Variants in XRCC4 observed in about 807,000 individuals in gnomAD.
XRCC4 encodes the protein X-ray repair cross complementing 4.
Under a neutral mutation model 39.1 loss-of-function variants are expected in XRCC4, and 28 were observed. That is an observed-to-expected ratio of 0.72 (90% CI 0.53 to 0.98). The LOEUF (loss-of-function observed/expected upper bound fraction) is 0.98, where lower values mean the gene tolerates loss of function less well. Among genes scored for constraint, XRCC4 ranks in the 50% least tolerant of loss-of-function variants. The pLI, the probability that XRCC4 is intolerant of heterozygous loss-of-function variation, is 0.00. For synonymous variants in XRCC4, 123 were observed against 126.4 expected (o/e 0.97, Z 0.18); for missense variants, 350 against 376.4 (o/e 0.93, Z 0.58).
intron 3 of XRCC4, among the ~76,000 whole-genome samples, chr5:83,161,717 G>A (rs188899287): frequency 3.2e-4 from 49 of 152,228 alleles, no homozygotes; most frequent in African/African-American, 8.9e-4. Context: ...ATATTTGTTC[G>A]TCTTGTTTAT....
At chr5:83,242,589 C>T (rs1262374291) in intron 6 of XRCC4, among the ~76,000 whole-genome samples, 2 of 152,000 alleles carry the variant, frequency 1.3e-5, no homozygotes, top group East Asian at 3.9e-4. Flanking sequence ...GTTTGGTCTA[C>T]AGGTGTGCGC....
chr5:83,283,354 TA>T (rs1303655785), intron 7 of XRCC4, among the ~76,000 whole-genome samples: 1 of 152,214 alleles, frequency 6.6e-6, no homozygotes, highest in Non-Finnish European at 1.5e-5. Flanking sequence ...ACCTAATTTA[TA>T]AAATGTATAT....
chr5:83,314,663 C>G (rs115156184), intron 7 of XRCC4, among the ~76,000 whole-genome samples: 151 of 152,228 alleles, frequency 9.9e-4, no homozygotes, highest in African/African-American at 3.5e-3. Context: ...ATACCTCAAA[C>G]TTTTTATTAT....
chr5:83,362,353 C>T, the XRCC4 span, among the ~76,000 whole-genome samples: 1 of 139,760 alleles, frequency 7.2e-6, no homozygotes, highest in African/African-American at 2.7e-5. Context: ...CATGTATTCA[C>T]ATATTGATTT....
intron 1 of XRCC4, among the ~76,000 whole-genome samples, chr5:83,087,703 A>G (rs535936437): frequency 1.3e-5 from 2 of 152,116 alleles, no homozygotes; most frequent in South Asian, 4.1e-4. Flanking sequence ...TAGCGTGTTC[A>G]TTGTTTCAGC....
chr5:83,080,572 G>A (rs1744892431), intron 1 of XRCC4, among the ~76,000 whole-genome samples: 1 of 151,376 alleles, frequency 6.6e-6, no homozygotes, highest in Non-Finnish European at 1.5e-5. Context: ...ATTTTAAATA[G>A]CATGCCTTTC....
chr5:83,351,548 A>T (rs151037055), intron 7 of XRCC4, among the ~76,000 whole-genome samples: 293 of 152,336 alleles, frequency 1.9e-3, no homozygotes, highest in Non-Finnish European at 3.4e-3. Flanking sequence ...TTATACTTTT[A>T]TCCCATACTA....
At chr5:83,261,397 T>C (rs1017320849) in intron 7 of XRCC4, among the ~76,000 whole-genome samples, 1 of 152,048 alleles carries the variant, frequency 6.6e-6, no homozygotes, top group African/African-American at 2.4e-5. Context: ...AACGCAGATA[T>C]GGTTAGTTTG....
intron 6 of XRCC4, among the ~76,000 whole-genome samples, chr5:83,219,643 A>G (rs988943161): frequency 2.0e-5 from 3 of 152,192 alleles, no homozygotes; most frequent in Admixed American, 6.5e-5. Flanking sequence ...CACTAGCTAC[A>G]TGAGGCCATT....
intron 6 of XRCC4, among the ~76,000 whole-genome samples, chr5:83,210,218 C>A (rs1435379652): frequency 6.6e-6 from 1 of 152,128 alleles, no homozygotes; most frequent in Non-Finnish European, 1.5e-5. Flanking sequence ...CTCAGAAACT[C>A]AGCTTTAGAA....
rs1217005113 is a variant in XRCC4 at position 83,104,814 on chromosome 5, T to C, written c.-10-96T>C. 6.1e-6 allele frequency: 7 copies of C among 1,139,650 alleles called. 1 individual carries two copies. The highest frequency in any genetic ancestry group is 3.0e-5 in the South Asian group (2 of 67,236). 70.6% of individuals were successfully genotyped at this position (1,139,650 alleles called of 1,614,324 possible). A position where few individuals can be genotyped will look rare whatever the true frequency, so the allele number is the denominator to read the frequency against. On this transcript the variant is annotated intron_variant, in intron 1 of 7. Transcript: ENST00000396027. ...TTTTTTTGTTTTGCTTATTTTCTTATTTCCTTGGTGTTTGTGTAGCTGAGA... is the reference window on the plus strand; with the variant it reads ...TTTTTTTGTTTTGCTTATTTTCTTACTTCCTTGGTGTTTGTGTAGCTGAGA...
rs1238790079 is a variant in XRCC4 at position 83,303,819 on chromosome 5, A to AAAAATGG, written c.893+45143_893+45149dup. ...CCAAATGAGTGTAATTTCTAGCTCA[A>AAAAATGG]AAAATGGTTACAAATATTATTATAG... On this transcript the variant is annotated intron_variant, in intron 7 of 7. Transcript: ENST00000396027. Among the ~76,000 whole-genome samples, 9 of 152,304 alleles carry AAAAATGG rather than the reference A, an allele frequency of 5.9e-5. No homozygotes were observed. In the East Asian group the frequency reaches 1.7e-3, roughly 29 times the overall value.
At chr5:83,301,672 T>C (rs1755290472) in intron 7 of XRCC4, among the ~76,000 whole-genome samples, 1 of 152,238 alleles carries the variant, frequency 6.6e-6, no homozygotes, top group Admixed American at 6.5e-5. Context: ...TGAATGGTAT[T>C]GCCTAGGTTT....
intron 3 of XRCC4, among the ~76,000 whole-genome samples, chr5:83,122,248 T>G (rs1455518917): frequency 6.6e-6 from 1 of 152,186 alleles, no homozygotes; most frequent in Admixed American, 6.6e-5. Context: ...ATGCATTGGA[T>G]CTACAGAATT....
At chr5:83,181,031 C>T (rs902116288) in intron 3 of XRCC4, among the ~76,000 whole-genome samples, 1 of 149,502 alleles carries the variant, frequency 6.7e-6, no homozygotes, top group Non-Finnish European at 1.5e-5. Context: ...CCCTCCCTGT[C>T]CCTGATTGTA....
intron 7 of XRCC4, among the ~76,000 whole-genome samples, chr5:83,279,111 A>G (rs542354617): frequency 6.0e-4 from 89 of 147,418 alleles, no homozygotes; most frequent in South Asian, 3.8e-3. Context: ...ATATATTTAT[A>G]TCTATATCAG....
chr5:83,215,466 T>C (rs1300740067), intron 6 of XRCC4, among the ~76,000 whole-genome samples: 1 of 152,182 alleles, frequency 6.6e-6, no homozygotes. Flanking sequence ...CTAAAACTTA[T>C]ATAGAATTTC....
At chr5:83,084,706 C>CT in intron 1 of XRCC4, among the ~76,000 whole-genome samples, 1 of 152,256 alleles carries the variant, frequency 6.6e-6, no homozygotes, top group Non-Finnish European at 1.5e-5. Flanking sequence ...AACAGTATCT[C>CT]TGACACGTAG....
At chr5:83,260,570 G>T (rs1038389123) in intron 7 of XRCC4, among the ~76,000 whole-genome samples, 1 of 151,996 alleles carries the variant, frequency 6.6e-6, no homozygotes, top group African/African-American at 2.4e-5. Context: ...AAGGTTTTAG[G>T]TTGCTAACAT....
Sources: allele counts gnomAD v4.1 joint callset (sites outside exome capture counted in the v4.1 genomes callset), GRCh38; gene constraint gnomAD v4.1.1; transcripts MANE v1.5; gene names NCBI Gene and HGNC (gene_info 2026-07-23, HGNC 2026-07-21).